GAL3ST2: variants seen among roughly 807,000 people sequenced by gnomAD.
GAL3ST2 encodes beta-galactose-3-O-sulfotransferase 2.
GAL3ST2 carries 16 observed loss-of-function variants against 12.9 expected under a neutral mutation model. The observed-to-expected ratio is 1.24, with a 90% CI of 0.84 to 1.88. GAL3ST2 has a LOEUF of 1.88. Among genes scored for constraint, GAL3ST2 ranks in the 40% most tolerant of loss-of-function variants. The probability of loss-of-function intolerance (pLI) is 0.00; values close to 1 mark genes in which losing one functional copy is unlikely to be tolerated. For synonymous variants in GAL3ST2, 302 were observed against 273.9 expected, an observed-to-expected ratio of 1.10 and a Z score of -1.01; for missense variants, 639 against 571.8, an observed-to-expected ratio of 1.12 and a Z score of -1.20.
At chr2:241,788,682 G>A (rs1699656278) in intron 1 of GAL3ST2, among the ~76,000 whole-genome samples, 2 of 152,208 alleles carry the variant, frequency 1.3e-5, no homozygotes, top group African/African-American at 4.8e-5. Flanking sequence ...GCTGTGACAT[G>A]CAGCAGCCCT....
At chr2:241,790,107 G>C (rs1347731878) in intron 1 of GAL3ST2, among the ~76,000 whole-genome samples, 3 of 152,040 alleles carry the variant, frequency 2.0e-5, no homozygotes, top group Non-Finnish European at 2.9e-5. Context: ...AAAACTTTTT[G>C]TCATCCACGG....
At chr2:241,789,955 CAT>C (rs1455438451) in intron 1 of GAL3ST2, among the ~76,000 whole-genome samples, 1 of 90,386 alleles carries the variant, frequency 1.1e-5, no homozygotes, top group African/African-American at 6.8e-5. Flanking sequence ...TGAGTTATAA[CAT>C]ATGTTATGGA....
intron 1 of GAL3ST2, among the ~76,000 whole-genome samples, chr2:241,794,924 T>A (rs993427149): frequency 1.1e-4 from 17 of 152,246 alleles, no homozygotes; most frequent in African/African-American, 4.1e-4. Context: ...ATTGATTTTT[T>A]ATTTTTTTAA....
rs186751023 is a variant in GAL3ST2 at position 241,801,428 on chromosome 2, C to A, written c.120-353C>A. On this transcript the variant is annotated intron_variant, in intron 2 of 3. Coordinates refer to ENST00000192314, the MANE Select transcript of GAL3ST2 (RefSeq NM_022134.3). This position sits in a 1 kb window ranked among gnomAD's most constrained non-coding sequence, Gnocchi z 4.4. ...GGAGGGGGTGTGACGAGGCGTCTAC[C>A]TCCCATCCCATCACTGCTGGGAACT... 1.6e-3 allele frequency: 608 copies of A among 377,362 alleles called. 1 individual carries two copies. The highest frequency in any genetic ancestry group is 0.012 in the African/African-American group (571 of 48,342). 23.4% of individuals were successfully genotyped at this position (377,362 alleles called of 1,614,324 possible). A position where few individuals can be genotyped will look rare whatever the true frequency, so the allele number is the denominator to read the frequency against.
At chr2:241,789,056 T>G (rs772791465) in intron 1 of GAL3ST2, among the ~76,000 whole-genome samples, 8 of 152,218 alleles carry the variant, frequency 5.3e-5, no homozygotes, top group Admixed American at 2.0e-4. Flanking sequence ...AGTAAGACAG[T>G]CTTTGTGCAC....
Position 241,803,588 on chromosome 2 carries a change from GA to G in GAL3ST2, c.620del (p.Glu207GlyfsTer164). The stretch of plus-strand genomic sequence containing the variant: ...CTTCGACCCCAACGCGCAGTGCGAG[GA>G]GGGCTACGTGCGCGCGCGCATCGCC... Reference protein sequence around the residue: ...FGFDPNAQCEEGYVRARIAEV... With the variant: ...FGFDPNAQCEXGYVRARIAEV... On this transcript the variant is annotated frameshift_variant, in exon 4 of 4. Coordinates refer to ENST00000192314, the MANE Select transcript of GAL3ST2 (RefSeq NM_022134.3). LOFTEE classifies it low-confidence loss of function (END_TRUNC). 6.3e-7 allele frequency: 1 copy of G among 1,583,826 alleles called. No homozygotes were observed.
chr2:241,793,573 G>GTA lies in GAL3ST2; in HGVS notation c.30-5488_30-5487dup, dbSNP rs565181489. Among the ~76,000 whole-genome samples, 1 of 147,952 alleles carries GTA rather than the reference G, an allele frequency of 6.8e-6. No individual in the cohort carries two copies. Among genetic ancestry groups the GTA allele is most frequent in the Non-Finnish European group, 1.5e-5 (1 of 67,494 alleles). On this transcript the variant is annotated intron_variant, in intron 1 of 3. Coordinates refer to ENST00000192314, the MANE Select transcript of GAL3ST2 (RefSeq NM_022134.3). This position sits in a 1 kb window ranked among gnomAD's most constrained non-coding sequence, Gnocchi z 4.7. ...TATGTATGTATGTGTATATGTGTGC[G>GTA]TATATGTGTATGTATGTATATGTGT...
chr2:241,799,078 ATCC>A lies in GAL3ST2; in HGVS notation c.57_59del (p.Leu20del), dbSNP rs770375719. 3.4e-5 allele frequency: 54 copies of A among 1,603,036 alleles called. No homozygotes were observed. The highest frequency in any genetic ancestry group is 3.4e-5 in the Non-Finnish European group (40 of 1,171,372). ...CCCTTTCCACAGATACTTCCGGGTC[ATCC>A]TCCTCCTCCTCCTGGCCCTGACTCT... On this transcript the variant is annotated inframe_deletion, in exon 2 of 4. Transcript: ENST00000192314.
intron 1 of GAL3ST2, 110 bp from the exon 2 acceptor site, chr2:241,798,955 G>A (rs901902676): frequency 1.3e-5 from 11 of 831,088 alleles, no homozygotes; most frequent in Non-Finnish European, 2.3e-5. Context: ...CAGAGGTGAG[G>A]GGAGGCCCAG....
chr2:241,801,966 A>AG lies in GAL3ST2; in HGVS notation c.305_306insG (p.Tyr102Ter). The change falls in exon 3 of 4, where the codon TAC (tyrosine) becomes TAGC (stop). Residue 102 changes from tyrosine (Y) to a stop codon, truncating the protein, a stop_gained and frameshift_variant. Transcript: ENST00000192314. LOFTEE classifies it high-confidence loss of function. This position sits in a 1 kb window ranked among gnomAD's most constrained non-coding sequence, Gnocchi z 4.4. ...LGYPWLFLAR[Y>*]VEGVGSQQRF... Reference sequence around the variant, plus strand: ...TACCCCTGGCTCTTCCTGGCGCGCTACGTGGAAGGCGTGGGGTCGCAGCAG... The same window carrying AG: ...TACCCCTGGCTCTTCCTGGCGCGCTAGCGTGGAAGGCGTGGGGTCGCAGCAG... 1 of 1,612,976 alleles carries AG rather than the reference A, an allele frequency of 6.2e-7. No homozygotes were observed. The highest frequency in any genetic ancestry group is 8.5e-7 in the Non-Finnish European group (1 of 1,179,912).
intron 1 of GAL3ST2, among the ~76,000 whole-genome samples, chr2:241,783,565 TA>T (rs143165828): frequency 0.023 from 3,506 of 152,310 alleles, 230 homozygotes; most frequent in East Asian, 0.16. Flanking sequence ...AATATATTTT[TA>T]TTGGAAAATA....
rs56979777 is a variant in GAL3ST2, at chr2:241,779,214, A to ATTTTTTTT, written c.29+2260_29+2267dup. Reference sequence around the variant, plus strand: ...AGGTCCTGAGTTACTAGGAAAGCTCATTTTTTTTTTTTTTTTTTTTTTTTT... The same window carrying ATTTTTTTT: ...AGGTCCTGAGTTACTAGGAAAGCTCATTTTTTTTTTTTTTTTTTTTTTTTTTTTTTTTT... On this transcript the variant is annotated intron_variant, in intron 1 of 3. Transcript: ENST00000192314. 3.7e-5 allele frequency among the ~76,000 whole-genome samples: 2 copies of ATTTTTTTT among 54,550 alleles called. 1 individual carries two copies. The highest frequency in any genetic ancestry group is 1.6e-3 in the South Asian group (2 of 1,272). The allele number at this position is 54,550 out of a possible 152,430, so 35.8% of individuals were successfully genotyped here.
chr2:241,789,494 A>G (rs1274970935), intron 1 of GAL3ST2, among the ~76,000 whole-genome samples: 1 of 152,232 alleles, frequency 6.6e-6, no homozygotes, highest in Non-Finnish European at 1.5e-5. Flanking sequence ...ATTTAAGACT[A>G]TTTAGCTGAC....
At chr2:241,798,088 G>A (rs1699795131) in intron 1 of GAL3ST2, among the ~76,000 whole-genome samples, 1 of 152,182 alleles carries the variant, frequency 6.6e-6, no homozygotes, top group Non-Finnish European at 1.5e-5. Context: ...TACTGATGGG[G>A]GGCTTTGCCC....
At chr2:241,799,911 G>T (rs986274237) in intron 2 of GAL3ST2, among the ~76,000 whole-genome samples, 2 of 152,208 alleles carry the variant, frequency 1.3e-5, no homozygotes, top group Non-Finnish European at 2.9e-5. Context: ...TGGGTGTCAT[G>T]ATGGGATTCT....
chr2:241,804,222 C>G lies in GAL3ST2; in HGVS notation c.*56C>G. ...GGACACCAGCTCCTCTCTCCGCCGTCACCGGGGAGGCCGGGGATCCTTGCA... is the reference window on the plus strand; with the variant it reads ...GGACACCAGCTCCTCTCTCCGCCGTGACCGGGGAGGCCGGGGATCCTTGCA... On this transcript the variant is annotated 3_prime_UTR_variant, in exon 4 of 4. Coordinates refer to ENST00000192314, the MANE Select transcript of GAL3ST2 (RefSeq NM_022134.3). 1 of 1,331,248 alleles carries G rather than the reference C, an allele frequency of 7.5e-7. No homozygotes were observed. The highest frequency in any genetic ancestry group is 9.8e-7 in the Non-Finnish European group (1 of 1,023,692). 82.5% of individuals were successfully genotyped at this position (1,331,248 alleles called of 1,614,324 possible).
At chr2:241,790,719 C>T (rs907198898) in intron 1 of GAL3ST2, among the ~76,000 whole-genome samples, 1 of 152,214 alleles carries the variant, frequency 6.6e-6, no homozygotes, top group African/African-American at 2.4e-5. Context: ...TGGGAAAAAT[C>T]CACATTCTAT....
chr2:241,777,076 C>T (rs1422753720), intron 1 of GAL3ST2, 92 bp downstream of exon 1: 56 of 1,125,452 alleles, frequency 5.0e-5, no homozygotes, highest in Non-Finnish European at 6.0e-5. Flanking sequence ...GTTTGTCTTT[C>T]GAAGGAAGTG....
In GAL3ST2 at chr2:241,803,607, G is replaced by A. The variant is rs1489053896; in HGVS notation, c.638G>A (p.Arg213His). The change falls in exon 4 of 4, where the codon CGC becomes CAC. Residue 213 changes from arginine (R) to histidine (H), a missense_variant. By Grantham distance (29) the Arg-to-His change is conservative. Transcript: ENST00000192314. The part of the protein sequence containing the change: ...AQCEEGYVRA[R>H]IAEVERRFRL... ...TGCGAGGAGGGCTACGTGCGCGCGC[G>A]CATCGCCGAGGTGGAGCGGCGCTTC... is the stretch of plus-strand genomic sequence containing the variant. 16 of 1,565,196 alleles carry A rather than the reference G, an allele frequency of 1.0e-5. No individual in the cohort carries two copies. The highest frequency in any genetic ancestry group is 1.2e-5 in the Non-Finnish European group (14 of 1,154,330).
Sources: gnomAD v4.1 joint callset for allele counts (sites outside exome capture counted in the v4.1 genomes callset) on GRCh38, gnomAD v4.1.1 for gene constraint, Gnocchi (gnomAD v3.1) non-coding constraint, MANE v1.5 for transcripts, NCBI Gene and HGNC (gene_info 2026-07-23, HGNC 2026-07-21) for gene names.